Variants in BICC1 observed in about 807,000 individuals in gnomAD.
BICC1 encodes protein bicaudal C homolog 1.
BICC1 carries 43 observed loss-of-function variants against 111.0 expected under a neutral mutation model. The ratio of observed to expected loss-of-function variants is 0.39; its 90% confidence interval spans 0.30 to 0.50. The LOEUF (loss-of-function observed/expected upper bound fraction) is 0.50, where lower values mean the gene tolerates loss of function less well. Ranked by LOEUF, BICC1 falls within the 20% of genes least tolerant of loss-of-function variation. The pLI, the probability that BICC1 is intolerant of heterozygous loss-of-function variation, is 0.88. For synonymous variants in BICC1, 467 were observed against 434.4 expected (o/e 1.07, Z -0.93); for missense variants, 1,091 against 1,203.2 (o/e 0.91, Z 1.38).
At chr10:58,538,664 C>T (rs941431555) in intron 1 of BICC1, among the ~76,000 whole-genome samples, 1 of 151,748 alleles carries the variant, frequency 6.6e-6, no homozygotes, top group Non-Finnish European at 1.5e-5. Context: ...ATTAAATAGA[C>T]AACCTACAGA....
At chr10:58,638,504 G>A (rs969300876) in intron 2 of BICC1, among the ~76,000 whole-genome samples, 10 of 152,068 alleles carry the variant, frequency 6.6e-5, no homozygotes, top group South Asian at 2.1e-4. Flanking sequence ...TTTCCCCAAC[G>A]CCTCTCCCCT....
At chr10:58,765,034 T>C (rs1335507894) in intron 3 of BICC1, among the ~76,000 whole-genome samples, 2 of 152,090 alleles carry the variant, frequency 1.3e-5, no homozygotes, top group African/African-American at 4.8e-5. Flanking sequence ...GCTTAATAAT[T>C]AGTTGCTGCA....
intron 14 of BICC1, among the ~76,000 whole-genome samples, chr10:58,802,176 A>G (rs1214881712): frequency 6.6e-6 from 1 of 152,146 alleles, no homozygotes; most frequent in East Asian, 1.9e-4. Flanking sequence ...CTTCCCTCTG[A>G]GTTGCTGTTC....
chr10:58,686,562 C>T (rs1839733054), intron 2 of BICC1, among the ~76,000 whole-genome samples: 1 of 148,932 alleles, frequency 6.7e-6, no homozygotes, highest in African/African-American at 2.6e-5. Context: ...CTTTGTTCAT[C>T]ATGTCTTTTT....
At chr10:58,533,551 G>GA (rs879894802) in intron 1 of BICC1, among the ~76,000 whole-genome samples, 10 of 150,514 alleles carry the variant, frequency 6.6e-5, no homozygotes, top group East Asian at 2.0e-4. Context: ...AGTGCTGAAG[G>GA]AAAAAAAAAC....
At chr10:58,803,433 T>G (rs1843615548) in intron 15 of BICC1, among the ~76,000 whole-genome samples, 191 bp downstream of exon 15, 1 of 152,216 alleles carries the variant, frequency 6.6e-6, no homozygotes, top group Non-Finnish European at 1.5e-5. Flanking sequence ...GTATTTACCT[T>G]AAGTGAGAAT....
At chr10:58,802,335 C>G (rs896133847) in intron 14 of BICC1, among the ~76,000 whole-genome samples, 2 of 152,156 alleles carry the variant, frequency 1.3e-5, no homozygotes, top group African/African-American at 4.8e-5. Flanking sequence ...CCTCTAAATT[C>G]CCTTGGCACA....
chr10:58,536,927 A>G (rs752467471), intron 1 of BICC1, among the ~76,000 whole-genome samples: 67 of 151,868 alleles, frequency 4.4e-4, no homozygotes, highest in Non-Finnish European at 7.5e-4. Context: ...GAGCACCTCT[A>G]TGCACACAAG....
intron 2 of BICC1, among the ~76,000 whole-genome samples, chr10:58,663,952 AACATTCATTC>A (rs1838927868): frequency 6.6e-6 from 1 of 152,034 alleles, no homozygotes; most frequent in Admixed American, 6.5e-5. Flanking sequence ...TCACATTAAA[AACATTCATTC>A]ACTAGTTGAT....
At chr10:58,720,300 A>G (rs959203542) in intron 3 of BICC1, among the ~76,000 whole-genome samples, 3 of 152,196 alleles carry the variant, frequency 2.0e-5, no homozygotes, top group African/African-American at 7.2e-5. Flanking sequence ...ATTTACTACA[A>G]GAGTGTTCCT....
Position 58,789,435 on chromosome 10 carries a change from G to A in BICC1, c.774G>A (p.Gln258=), listed in dbSNP as rs1394494179. The change falls in exon 7 of 21, where the codon CAG becomes CAA. Residue 258 remains glutamine, a synonymous_variant. Transcript: ENST00000373886. ...CTACTGTCATAGTACGAGGGTCTCA[G>A]AATAACACTAGTGCTGTGAAGGTAA... ...YGATVIVRGS[Q]NNTSAVKEGT... is the part of the protein sequence containing the mutation. 5 of 1,613,672 alleles carry A rather than the reference G, an allele frequency of 3.1e-6. No individual in the cohort carries two copies. Among genetic ancestry groups the A allele is most frequent in the Non-Finnish European group, 3.4e-6 (4 of 1,179,810 alleles).
At chr10:58,691,132 T>G (rs1281919861) in intron 2 of BICC1, among the ~76,000 whole-genome samples, 1 of 152,184 alleles carries the variant, frequency 6.6e-6, no homozygotes, top group Non-Finnish European at 1.5e-5. Context: ...TTTATTATTG[T>G]TTTTTTCCTG....
At chr10:58,766,426 G>A (rs1842457742) in intron 3 of BICC1, among the ~76,000 whole-genome samples, 1 of 152,112 alleles carries the variant, frequency 6.6e-6, no homozygotes, top group Admixed American at 6.5e-5. Context: ...TAGGGGGCGG[G>A]CACGAGAGAA....
chr10:58,536,417 A>G (rs1199886819), intron 1 of BICC1, among the ~76,000 whole-genome samples: 1 of 151,726 alleles, frequency 6.6e-6, no homozygotes, highest in African/African-American at 2.4e-5. Context: ...TCCAAGAGTA[A>G]TCCTCAAAAC....
intron 3 of BICC1, among the ~76,000 whole-genome samples, chr10:58,734,163 C>T (rs543905607): frequency 6.6e-6 from 1 of 152,328 alleles, no homozygotes; most frequent in Admixed American, 6.5e-5. Flanking sequence ...CTCTGATTAT[C>T]TTCACCTAGT....
At chr10:58,555,912 G>C (rs999074800) in intron 1 of BICC1, among the ~76,000 whole-genome samples, 1 of 152,260 alleles carries the variant, frequency 6.6e-6, no homozygotes, top group Non-Finnish European at 1.5e-5. Context: ...CTAAGGACCC[G>C]AACTGTCATT....
At chr10:58,593,434 T>A (rs1017439580) in intron 1 of BICC1, among the ~76,000 whole-genome samples, 1 of 152,120 alleles carries the variant, frequency 6.6e-6, no homozygotes, top group Non-Finnish European at 1.5e-5. Context: ...GACCCCCTTG[T>A]ATCCTGACTG....
rs117984624 is a variant in BICC1 at position 58,673,383 on chromosome 10, A to T, written c.238-28691A>T. ...TTGAATTCCTACCATGTGCAAGGGGATTTACATATAACCCTTGCCTTAGGC... is the reference window on the plus strand; with the variant it reads ...TTGAATTCCTACCATGTGCAAGGGGTTTTACATATAACCCTTGCCTTAGGC... On this transcript the variant is annotated intron_variant, in intron 2 of 20. Transcript: ENST00000373886. Among the ~76,000 whole-genome samples, 59 of 152,180 alleles carry T rather than the reference A, an allele frequency of 3.9e-4. 1 individual carries two copies. In the East Asian group the frequency reaches 9.9e-3, roughly 25 times the overall value.
At chr10:58,729,851 A>G (rs1011754386) in intron 3 of BICC1, among the ~76,000 whole-genome samples, 8 of 152,272 alleles carry the variant, frequency 5.3e-5, no homozygotes, top group South Asian at 4.1e-4. Flanking sequence ...AATCCACCCA[A>G]TGGTCCAGTT....
Sources: gnomAD v4.1 joint callset for allele counts (sites outside exome capture counted in the v4.1 genomes callset) on GRCh38, gnomAD v4.1.1 for gene constraint, MANE v1.5 for transcripts, NCBI Gene and HGNC (gene_info 2026-07-23, HGNC 2026-07-21) for gene names.